The following ZFP91 variants were observed in gnomAD, a reference collection of about 807,000 sequenced individuals.
The protein encoded by ZFP91 is ZFP91 zinc finger protein, atypical E3 ubiquitin ligase, also known as E3 ubiquitin-protein ligase ZFP91.
ZFP91 carries 7 observed loss-of-function variants against 63.5 expected under a neutral mutation model. The ratio of observed to expected loss-of-function variants is 0.11; its 90% confidence interval spans 0.06 to 0.21. The LOEUF is 0.21. ZFP91 is among the 10% of genes least tolerant of loss of function. The probability of loss-of-function intolerance (pLI) is 1.00; values close to 1 mark genes in which losing one functional copy is unlikely to be tolerated. For missense variants in ZFP91, 628 were observed against 736.6 expected (o/e 0.85, Z 1.71); for synonymous variants, 330 against 272.1 (o/e 1.21, Z -2.10).
At chr11:58,600,970 G>T (rs372375885) in intron 2 of ZFP91, among the ~76,000 whole-genome samples, 3 of 151,752 alleles carry the variant, frequency 2.0e-5, no homozygotes. Context: ...TTTGTATATC[G>T]AACCACCCTC....
intron 3 of ZFP91, 27 bp downstream of exon 3, chr11:58,610,066 T>G: frequency 6.2e-7 from 1 of 1,606,926 alleles, no homozygotes; most frequent in Non-Finnish European, 8.5e-7. Context: ...ATATGGCTGT[T>G]TACTAACTAG....
Position 58,579,236 on chromosome 11 carries a change from C to T in ZFP91, c.-46C>T. On this transcript the variant is annotated 5_prime_UTR_variant, in exon 1 of 11. Coordinates refer to ENST00000316059, the MANE Select transcript of ZFP91 (RefSeq NM_053023.5). ...GGAGCAGCGCCGAGGCCGCCGCCTC[C>T]GCCTCCGCCGCCTAGGACTAGGGGG... 1.5e-6 allele frequency: 2 copies of T among 1,356,160 alleles called. No individual in the cohort carries two copies. The highest frequency in any genetic ancestry group is 9.4e-7 in the Non-Finnish European group (1 of 1,059,564). The allele number at this position is 1,356,160 out of a possible 1,614,324, so 84.0% of individuals were successfully genotyped here. A position where few individuals can be genotyped will look rare whatever the true frequency, so the allele number is the denominator to read the frequency against.
chr11:58,618,719 C>T lies in ZFP91; in HGVS notation c.*1013C>T. 2 of 456,838 alleles carry T rather than the reference C, an allele frequency of 4.4e-6. No individual in the cohort carries two copies. Among genetic ancestry groups the T allele is most frequent in the Non-Finnish European group, 8.8e-6 (2 of 226,968 alleles). 28.3% of individuals were successfully genotyped at this position (456,838 alleles called of 1,614,324 possible). A position where few individuals can be genotyped will look rare whatever the true frequency, so the allele number is the denominator to read the frequency against. On this transcript the variant is annotated 3_prime_UTR_variant, in exon 11 of 11. Coordinates refer to ENST00000316059, the MANE Select transcript of ZFP91 (RefSeq NM_053023.5). ...AAGAAGCACAGCCAGCCTCTGAAAT[C>T]ATAGCTCTCCAGTGGCTTTTAAAGA...
Position 58,609,976 on chromosome 11 carries a change from T to G in ZFP91, c.517T>G (p.Ser173Ala). 1 of 1,614,190 alleles carries G rather than the reference T, an allele frequency of 6.2e-7. No homozygotes were observed. The highest frequency in any genetic ancestry group is 1.1e-5 in the South Asian group (1 of 91,086). Residue 173 changes from serine to alanine, a missense_variant, in exon 3 of 11, where the codon TCC becomes GCC. This residue lies in a region of ZFP91 where 437 missense variants were observed against 380.3 expected (regional missense o/e 1.15). Coordinates refer to ENST00000316059, the MANE Select transcript of ZFP91 (RefSeq NM_053023.5). ...TACAGAGAACACCCGAAGCTCTCGG[T>G]CCAAGACCGGTTCATTGCAGCTCAT... ...RDTENTRSSR[S>A]KTGSLQLICK...
At chr11:58,610,869 T>C (rs1855648802) in intron 4 of ZFP91, 81 bp from the exon 5 acceptor site, 1 of 1,311,810 alleles carries the variant, frequency 7.6e-7, no homozygotes, top group Non-Finnish European at 1.1e-6. Flanking sequence ...TTTGGCTACC[T>C]CTTAAAAAAT....
chr11:58,604,347 A>G (rs1190060787), intron 2 of ZFP91, among the ~76,000 whole-genome samples: 2 of 152,198 alleles, frequency 1.3e-5, no homozygotes, highest in Admixed American at 1.3e-4. Flanking sequence ...GTTAGCAGCT[A>G]TAAGCCAAGT....
At chr11:58,601,643 A>G (rs1855492244) in intron 2 of ZFP91, among the ~76,000 whole-genome samples, 1 of 149,788 alleles carries the variant, frequency 6.7e-6, no homozygotes, top group Non-Finnish European at 1.5e-5. Context: ...GTAGGCATTT[A>G]TATCTAGAAA....
chr11:58,589,109 T>C (rs1320822795), intron 2 of ZFP91, among the ~76,000 whole-genome samples: 1 of 152,236 alleles, frequency 6.6e-6, no homozygotes, highest in Non-Finnish European at 1.5e-5. Flanking sequence ...TCTCATTTTA[T>C]TGCCCAGGCT....
chr11:58,589,671 TTTATC>T lies in ZFP91; in HGVS notation c.370+4791_370+4795del, dbSNP rs377714612. Among the ~76,000 whole-genome samples the T allele has an allele frequency of 7.2e-4, 109 of 152,288 alleles. No homozygotes were observed. In the East Asian group the frequency reaches 0.013, roughly 19 times the overall value. On this transcript the variant is annotated intron_variant, in intron 2 of 10. Coordinates refer to ENST00000316059, the MANE Select transcript of ZFP91 (RefSeq NM_053023.5). ...TTTGTTTGTCCTTCCTTCCTAATCT[TTTATC>T]TTAAGGTAGCAGTAACTGTATTATT...
At chr11:58,588,469 A>G (rs1855248238) in intron 2 of ZFP91, among the ~76,000 whole-genome samples, 1 of 152,018 alleles carries the variant, frequency 6.6e-6, no homozygotes, top group Admixed American at 6.5e-5. Context: ...TTTTTTTCTT[A>G]TATTGATACA....
In ZFP91 at chr11:58,579,512, C is replaced by T. The variant is rs915860892; in HGVS notation, c.231C>T (p.Pro77=). 5 of 1,551,558 alleles carry T rather than the reference C, an allele frequency of 3.2e-6. No individual in the cohort carries two copies. The highest frequency in any genetic ancestry group is 2.8e-5 in the African/African-American group (2 of 70,414). Reference sequence around the variant, plus strand: ...CCCGCCGGAGGAAGGCCGAGTATCCCCGCCGGCGGAGGAGCAGCCCCAGCG... The same window carrying T: ...CCCGCCGGAGGAAGGCCGAGTATCCTCGCCGGCGGAGGAGCAGCCCCAGCG... ...AVSRRRKAEY[P]RRRRSSPSAR... The change falls in exon 1 of 11, where the codon CCC becomes CCT. Residue 77 remains proline (P), a synonymous_variant. Transcript: ENST00000316059.
At chr11:58,604,791 A>G (rs1478702339) in intron 2 of ZFP91, among the ~76,000 whole-genome samples, 1 of 152,202 alleles carries the variant, frequency 6.6e-6, no homozygotes, top group Non-Finnish European at 1.5e-5. Flanking sequence ...GTGTGGCCCA[A>G]GACATGTCAT....
Position 58,617,957 on chromosome 11 carries a change from C to G in ZFP91, c.*251C>G. Reference sequence around the variant, plus strand: ...AGACAAAAAAGAAGCAGCAGCAGCTCTTAAAGTGAGGGTTATTCTCATACT... The same window carrying G: ...AGACAAAAAAGAAGCAGCAGCAGCTGTTAAAGTGAGGGTTATTCTCATACT... On this transcript the variant is annotated 3_prime_UTR_variant, in exon 11 of 11. Coordinates refer to ENST00000316059, the MANE Select transcript of ZFP91 (RefSeq NM_053023.5). The surrounding 1 kb of genome is among the most constrained non-coding windows in gnomAD (Gnocchi z 4.2). The G allele has an allele frequency of 2.6e-6, 1 of 390,174 alleles. No homozygotes were observed. Among genetic ancestry groups the G allele is most frequent in the Non-Finnish European group, 4.3e-6 (1 of 231,550 alleles). 24.2% of individuals were successfully genotyped at this position (390,174 alleles called of 1,614,324 possible).
chr11:58,617,292 T>C lies in ZFP91; in HGVS notation c.1299T>C (p.Asn433=). Residue 433 remains asparagine, a synonymous_variant, in exon 11 of 11, where the codon AAT becomes AAC. Coordinates refer to ENST00000316059, the MANE Select transcript of ZFP91 (RefSeq NM_053023.5). The surrounding 1 kb of genome is among the most constrained non-coding windows in gnomAD (Gnocchi z 4.2). ...DADSFYQFSC[N]ICGKKFEKKD... ...ACTCCTTCTACCAGTTTTCTTGCAA[T>C]ATCTGTGGCAAAAAATTTGAGAAGA... 6.2e-7 allele frequency: 1 copy of C among 1,614,076 alleles called. No homozygotes were observed. The highest frequency in any genetic ancestry group is 1.1e-5 in the South Asian group (1 of 91,080).
intron 8 of ZFP91, among the ~76,000 whole-genome samples, chr11:58,613,708 T>G (rs1470371656): frequency 6.6e-6 from 1 of 151,158 alleles, no homozygotes; most frequent in African/African-American, 2.5e-5. Flanking sequence ...CTTGAGTAGA[T>G]TATTATTATT....
chr11:58,581,509 C>T (rs945415954), intron 1 of ZFP91, among the ~76,000 whole-genome samples: 1 of 152,050 alleles, frequency 6.6e-6, no homozygotes, highest in Non-Finnish European at 1.5e-5. Context: ...TACAGGCGCC[C>T]GCCACCAATC....
intron 9 of ZFP91, among the ~76,000 whole-genome samples, chr11:58,616,268 G>T (rs1367535415): frequency 6.6e-6 from 1 of 151,980 alleles, no homozygotes; most frequent in Non-Finnish European, 1.5e-5. Flanking sequence ...TCTATACAGT[G>T]CCAAGTTCTT....
In ZFP91 at chr11:58,579,310, C is replaced by T. The variant is rs1855038419; in HGVS notation, c.29C>T (p.Pro10Leu). Residue 10 changes from proline (P) to leucine (L), a missense_variant, in exon 1 of 11, where the codon CCC becomes CTC. Transcript: ENST00000316059. The part of the protein sequence containing the change: MPGETEEPR[P>L]PEQQDQEGGE... ...CCGGGGGAGACGGAAGAGCCGAGAC[C>T]CCCGGAGCAGCAGGACCAGGAAGGG... The T allele has an allele frequency of 6.7e-6, 10 of 1,489,234 alleles. No individual in the cohort carries two copies. Among genetic ancestry groups the T allele is most frequent in the Non-Finnish European group, 8.9e-6 (10 of 1,124,330 alleles). The allele number at this position is 1,489,234 out of a possible 1,614,324, so 92.3% of individuals were successfully genotyped here. A position where few individuals can be genotyped will look rare whatever the true frequency, so the allele number is the denominator to read the frequency against.
chr11:58,606,567 A>G (rs1055326722), intron 2 of ZFP91, among the ~76,000 whole-genome samples: 6 of 152,106 alleles, frequency 3.9e-5, no homozygotes, highest in African/African-American at 1.4e-4. Flanking sequence ...ATATTGTATG[A>G]TATGAAATTT....
Sources: gnomAD v4.1 joint callset for allele counts (sites outside exome capture counted in the v4.1 genomes callset) on GRCh38, gnomAD v4.1.1 for gene constraint, gnomAD v4.1.1 regional missense constraint, Gnocchi (gnomAD v3.1) non-coding constraint, MANE v1.5 for transcripts, NCBI Gene and HGNC (gene_info 2026-07-23, HGNC 2026-07-21) for gene names.